The following LRRK1 variants were observed in gnomAD, a reference collection of about 807,000 sequenced individuals.
The protein encoded by LRRK1 is leucine rich repeat kinase 1.
Under a neutral mutation model 209.1 loss-of-function variants are expected in LRRK1, and 113 were observed. The observed-to-expected ratio is 0.54, with a 90% confidence interval of 0.46 to 0.63. LRRK1 has a LOEUF of 0.63. Ranked by LOEUF, LRRK1 falls within the 30% of genes least tolerant of loss-of-function variation. The pLI is 0.00. For synonymous variants in LRRK1, 1,144 were observed against 1,099.7 expected (o/e 1.04, Z -0.80); for missense variants, 2,284 against 2,632.2 (o/e 0.87, Z 2.89).
rs2033814151 is a variant in LRRK1 at position 101,021,900 on chromosome 15, C to T, written c.1795C>T (p.Gln599Ter). 2 of 1,614,058 alleles carry T rather than the reference C, an allele frequency of 1.2e-6. No homozygotes were observed. The highest frequency in any genetic ancestry group is 2.2e-5 in the South Asian group (2 of 91,068). ...GCTGGGGCAGCTGGGCAACCTCTGG[C>T]AGCTGGACACTGAAGACCTGACCAT... ...PELGQLGNLW[Q>*]LDTEDLTISN... The change falls in exon 14 of 34, where the codon CAG becomes TAG. Residue 599 changes from glutamine to a stop codon, truncating the protein, a stop_gained. Transcript: ENST00000388948. LOFTEE classifies it high-confidence loss of function.
chr15:101,045,900 G>GA, intron 20 of LRRK1, 81 bp from the exon 21 acceptor site: 2 of 1,248,874 alleles, frequency 1.6e-6, no homozygotes, highest in Non-Finnish European at 2.3e-6. Flanking sequence ...CCTGTCCCCA[G>GA]ATCAGGCCAT....
At chr15:101,059,028 G>A (rs966014564) in intron 29 of LRRK1, among the ~76,000 whole-genome samples, 1 of 152,268 alleles carries the variant, frequency 6.6e-6, no homozygotes, top group South Asian at 2.1e-4. Flanking sequence ...TTGTGAGTTT[G>A]CGTCAGGTTT....
intron 7 of LRRK1, among the ~76,000 whole-genome samples, 164 bp from the exon 8 acceptor site, chr15:101,010,286 C>T (rs1158415893): frequency 1.3e-5 from 2 of 152,086 alleles, no homozygotes; most frequent in Admixed American, 1.3e-4. Flanking sequence ...AAGAGTTCTT[C>T]AAAAGAATTA....
chr15:101,024,669 T>C lies in LRRK1; in HGVS notation c.2068-134T>C, dbSNP rs969356728. ...AACTGTTTCCTAAGAAACAATAGAG[T>C]GTCCAGAACTTTTCCACGGTTGTTT... is the stretch of plus-strand genomic sequence containing the variant. On this transcript the variant is annotated intron_variant, in intron 15 of 33. Transcript: ENST00000388948. This position sits in a 1 kb window ranked among gnomAD's most constrained non-coding sequence, Gnocchi z 4.6. 8 of 909,266 alleles carry C rather than the reference T, an allele frequency of 8.8e-6. No individual in the cohort carries two copies. Among genetic ancestry groups the C allele is most frequent in the African/African-American group, 8.3e-5 (5 of 60,178 alleles). The allele number at this position is 909,266 out of a possible 1,614,324, so 56.3% of individuals were successfully genotyped here.
At chr15:100,993,937 G>A (rs2032282033) in intron 6 of LRRK1, among the ~76,000 whole-genome samples, 1 of 152,184 alleles carries the variant, frequency 6.6e-6, no homozygotes, top group Non-Finnish European at 1.5e-5. Context: ...TTATAAAACA[G>A]GGATAACAAT....
In LRRK1 at chr15:100,995,330, C is replaced by T. The variant is rs147687440; in HGVS notation, c.762+5932C>T. 3.2e-3 allele frequency among the ~76,000 whole-genome samples: 491 copies of T among 152,264 alleles called. 1 individual carries two copies. The highest frequency in any genetic ancestry group is 5.9e-3 in the Non-Finnish European group (402 of 68,012). On this transcript the variant is annotated intron_variant, in intron 6 of 33. Coordinates refer to ENST00000388948, the MANE Select transcript of LRRK1 (RefSeq NM_024652.6). ...AGCATAGCCCGAATCCACCTCTGCC[C>T]GCAAAGGGAGAAAATACAGAGAAAC...
At position 100,988,807 on chromosome 15, in the gene LRRK1, A is replaced by G. The variant is rs35985016; in HGVS notation, c.607A>G (p.Lys203Glu). Residue 203 changes from lysine (K) to glutamate (E), a missense_variant, in exon 5 of 34, where the codon AAG becomes GAG. Coordinates refer to ENST00000388948, the MANE Select transcript of LRRK1 (RefSeq NM_024652.6). ...IVRLPLYAAIKSGNEDIAIFL... is the reference protein window; with the variant it reads ...IVRLPLYAAIESGNEDIAIFL... ...GCGCTTGCCCCTGTATGCGGCCATC[A>G]AGTCAGGTGGGTTTCCCCACTACCC... 3.2e-3 allele frequency: 5,146 copies of G among 1,597,388 alleles called. 168 individuals carry two copies. In the East Asian group the frequency reaches 0.071, roughly 22 times the overall value.
In LRRK1 at chr15:101,024,750, T is replaced by C. The variant is rs2033944499; in HGVS notation, c.2068-53T>C. On this transcript the variant is annotated intron_variant, in intron 15 of 33. Transcript: ENST00000388948. The surrounding 1 kb of genome is among the most constrained non-coding windows in gnomAD (Gnocchi z 4.6). ...TATCCGTTGTCTCCGTTTGATTGAC[T>C]GAAGCCTTTGTCTCTAAAATGCCTC... 3.2e-6 allele frequency: 5 copies of C among 1,581,002 alleles called. No individual in the cohort carries two copies. Among genetic ancestry groups the C allele is most frequent in the Non-Finnish European group, 4.3e-6 (5 of 1,155,688 alleles).
intron 3 of LRRK1, among the ~76,000 whole-genome samples, chr15:100,980,995 A>G (rs998660474): frequency 3.3e-5 from 5 of 152,250 alleles, no homozygotes; most frequent in African/African-American, 1.2e-4. Context: ...TAAGTGAAAA[A>G]AGCATTTGGT....
chr15:101,061,440 G>T lies in LRRK1; in HGVS notation c.4797+152G>T, dbSNP rs2036174697. 4.9e-6 allele frequency: 3 copies of T among 608,470 alleles called. No homozygotes were observed. In the African/African-American group the frequency reaches 5.5e-5, roughly 11 times the overall value. 37.7% of individuals were successfully genotyped at this position (608,470 alleles called of 1,614,324 possible). On this transcript the variant is annotated intron_variant, in intron 30 of 33. Coordinates refer to ENST00000388948, the MANE Select transcript of LRRK1 (RefSeq NM_024652.6). ...CATCCCCGTGCAGTCCCCAAGTAAT[G>T]CCAGGAGCCCCGAGAAGTAGCAGCC...
intron 2 of LRRK1, among the ~76,000 whole-genome samples, chr15:100,929,278 C>G (rs914279790): frequency 6.6e-6 from 1 of 151,866 alleles, no homozygotes; most frequent in African/African-American, 2.4e-5. Context: ...GGCTCGCCCC[C>G]CCAGCTCTCT....
intron 3 of LRRK1, among the ~76,000 whole-genome samples, chr15:100,978,899 G>T (rs4965352): frequency 6.6e-6 from 1 of 152,132 alleles, no homozygotes; most frequent in Admixed American, 6.5e-5. Context: ...TTTTATGAAG[G>T]CTGTATTACC....
intron 29 of LRRK1, among the ~76,000 whole-genome samples, chr15:101,059,058 G>A (rs1181881170): frequency 6.6e-6 from 1 of 152,170 alleles, no homozygotes; most frequent in Non-Finnish European, 1.5e-5. Flanking sequence ...CGGACTGAGG[G>A]TTGTGACACA....
rs2034117249 is a variant in LRRK1, at chr15:101,027,943, C to T, written c.2686+146C>T. On this transcript the variant is annotated intron_variant, in intron 19 of 33. Coordinates refer to ENST00000388948, the MANE Select transcript of LRRK1 (RefSeq NM_024652.6). The surrounding 1 kb of genome is among the most constrained non-coding windows in gnomAD (Gnocchi z 5.1). ...TCCATCCCCCTCCCCTTCCTTCTTC[C>T]CTCTCACCCTTCTTTCCTTGGAGGG... The T allele has an allele frequency of 2.8e-6, 2 of 711,136 alleles. No individual in the cohort carries two copies. The highest frequency in any genetic ancestry group is 2.3e-6 in the Non-Finnish European group (1 of 435,250). The allele number at this position is 711,136 out of a possible 1,614,324, so 44.1% of individuals were successfully genotyped here.
chr15:101,056,812 A>T, intron 27 of LRRK1, 44 bp from the exon 28 acceptor site: 1 of 1,510,396 alleles, frequency 6.6e-7, no homozygotes, highest in South Asian at 1.3e-5. Context: ...TGTGAAGGCC[A>T]CTGGGCCCAG....
chr15:100,939,863 C>T (rs774707892), intron 2 of LRRK1, among the ~76,000 whole-genome samples: 2 of 152,140 alleles, frequency 1.3e-5, no homozygotes, highest in African/African-American at 4.8e-5. Context: ...CTTTTGAAGG[C>T]GGCCAATGAA....
At chr15:101,067,437 G>C in intron 33 of LRRK1, 1 of 307,878 alleles carries the variant, frequency 3.2e-6, no homozygotes, top group Non-Finnish European at 6.8e-6. Context: ...GTGTGTGTGT[G>C]TGTGTGTGTG....
Position 101,069,896 on chromosome 15 carries a change from A to G in LRRK1, c.*1048A>G, listed in dbSNP as rs1200043402. The stretch of plus-strand genomic sequence containing the variant: ...ACATGCATTACACACATGCACACAC[A>G]TATGCACACACATGTGCAAACATAG... On this transcript the variant is annotated 3_prime_UTR_variant, in exon 34 of 34. Coordinates refer to ENST00000388948, the MANE Select transcript of LRRK1 (RefSeq NM_024652.6). 1 of 152,270 alleles carries G rather than the reference A, an allele frequency of 6.6e-6. No homozygotes were observed. Among genetic ancestry groups the G allele is most frequent in the Non-Finnish European group, 1.5e-5 (1 of 68,040 alleles). 9.4% of individuals were successfully genotyped at this position (152,270 alleles called of 1,614,324 possible). A position where few individuals can be genotyped will look rare whatever the true frequency, so the allele number is the denominator to read the frequency against.
At position 100,988,852 on chromosome 15, in the gene LRRK1, C is replaced by T. The variant is rs779354372; in HGVS notation, c.613+39C>T. ...CTACCCTGAGTCAACCCTGACCGTG[C>T]AAACCATCTCAGCCTCCAGATGTGG... On this transcript the variant is annotated intron_variant, in intron 5 of 33. Coordinates refer to ENST00000388948, the MANE Select transcript of LRRK1 (RefSeq NM_024652.6). 1.5e-5 allele frequency: 23 copies of T among 1,500,128 alleles called. No homozygotes were observed. In the Admixed American group the frequency reaches 4.5e-4, roughly 29 times the overall value. 92.9% of individuals were successfully genotyped at this position (1,500,128 alleles called of 1,614,324 possible). A position where few individuals can be genotyped will look rare whatever the true frequency, so the allele number is the denominator to read the frequency against.
Sources: gnomAD v4.1 joint callset for allele counts (sites outside exome capture counted in the v4.1 genomes callset) on GRCh38, gnomAD v4.1.1 for gene constraint, Gnocchi (gnomAD v3.1) non-coding constraint, MANE v1.5 for transcripts, NCBI Gene and HGNC (gene_info 2026-07-23, HGNC 2026-07-21) for gene names.